CACNA2D1: variants seen among roughly 807,000 people sequenced by gnomAD.
CACNA2D1 encodes the protein voltage-dependent calcium channel subunit alpha-2/delta-1.
CACNA2D1 carries 53 observed loss-of-function variants against 171.5 expected under a neutral mutation model. That is an observed-to-expected ratio of 0.31 (90% CI 0.25 to 0.39). The LOEUF (loss-of-function observed/expected upper bound fraction) is 0.39, where lower values mean the gene tolerates loss of function less well. Among genes scored for constraint, CACNA2D1 ranks in the 10% least tolerant of loss-of-function variants. The pLI is 1.00. For synonymous variants in CACNA2D1, 442 were observed against 443.1 expected (o/e 1.00, Z 0.03); for missense variants, 903 against 1,299.8 (o/e 0.69, Z 4.69).
At chr7:82,319,403 G>A (rs903161738) in intron 3 of CACNA2D1, among the ~76,000 whole-genome samples, 1 of 152,092 alleles carries the variant, frequency 6.6e-6, no homozygotes, top group Admixed American at 6.6e-5. Context: ...ACCCATTTGA[G>A]AGGTAGAAAT....
intron 3 of CACNA2D1, among the ~76,000 whole-genome samples, chr7:82,308,721 T>C (rs1405747585): frequency 6.6e-6 from 1 of 152,106 alleles, no homozygotes; most frequent in East Asian, 1.9e-4. Context: ...ATAACAAACT[T>C]TTGTTTAAGG....
At chr7:82,148,135 A>T (rs528497685) in intron 4 of CACNA2D1, among the ~76,000 whole-genome samples, 1 of 152,306 alleles carries the variant, frequency 6.6e-6, no homozygotes, top group South Asian at 2.1e-4. Flanking sequence ...TGGCATCACT[A>T]TTCTGTGAAA....
At position 81,962,044 on chromosome 7, in the gene CACNA2D1, G is replaced by A. The variant is rs1430826590; in HGVS notation, c.2837-21C>T. The A allele has an allele frequency of 3.1e-6, 5 of 1,611,568 alleles. No individual in the cohort carries two copies. The Admixed American group carries it at 5.0e-5, about 16-fold the overall frequency. ...CTCAACTTGGGTGGCGGGGGACGGTGTAAAAACAAAGAACACCATTAGGAG... is the reference window on the plus strand; with the variant it reads ...CTCAACTTGGGTGGCGGGGGACGGTATAAAAACAAAGAACACCATTAGGAG... On this transcript the variant is annotated intron_variant, in intron 35 of 38. Transcript: ENST00000356860.
At chr7:82,088,093 GTTTTGTTT>G (rs1050556197) in intron 6 of CACNA2D1, among the ~76,000 whole-genome samples, 2 of 151,704 alleles carry the variant, frequency 1.3e-5, no homozygotes, top group East Asian at 1.9e-4. Context: ...TTTTTGTTTT[GTTTTGTTT>G]TTTTGTTTTT....
chr7:82,220,483 G>C (rs1464433990), intron 3 of CACNA2D1, among the ~76,000 whole-genome samples: 5 of 151,948 alleles, frequency 3.3e-5, no homozygotes, highest in Non-Finnish European at 5.9e-5. Flanking sequence ...AAATTACTGA[G>C]GACCCAAAAA....
At position 82,443,707 on chromosome 7, in the gene CACNA2D1, C is replaced by G; in HGVS notation, c.-248G>C. The G allele has an allele frequency of 8.1e-7, 1 of 1,236,098 alleles. No homozygotes were observed. Among genetic ancestry groups the G allele is most frequent in the Non-Finnish European group, 1.0e-6 (1 of 992,078 alleles). The allele number at this position is 1,236,098 out of a possible 1,614,324, so 76.6% of individuals were successfully genotyped here. Reference sequence around the variant, plus strand: ...GCTGCTCCGCGCCGCGGCCGCCTTGCCTCCGCCGCCATCAAGGGCGACTTT... The same window carrying G: ...GCTGCTCCGCGCCGCGGCCGCCTTGGCTCCGCCGCCATCAAGGGCGACTTT... On this transcript the variant is annotated 5_prime_UTR_variant, in exon 1 of 39. Transcript: ENST00000356860.
chr7:82,111,444 A>ATATATATATTTTTT (rs1207440298), intron 6 of CACNA2D1, among the ~76,000 whole-genome samples: 2 of 69,962 alleles, frequency 2.9e-5, no homozygotes, highest in African/African-American at 1.4e-4. Context: ...ATATATATAT[A>ATATATATATTTTTT]TTTTTTTTTT....
chr7:82,412,935 G>T (rs1827825679), intron 1 of CACNA2D1, among the ~76,000 whole-genome samples: 1 of 151,996 alleles, frequency 6.6e-6, no homozygotes, highest in Admixed American at 6.6e-5. Context: ...GACAAAAGGA[G>T]AAAGCTCTAA....
At chr7:82,347,430 TA>T (rs1342005928) in intron 2 of CACNA2D1, among the ~76,000 whole-genome samples, 4 of 152,106 alleles carry the variant, frequency 2.6e-5, no homozygotes, top group Non-Finnish European at 5.9e-5. Flanking sequence ...GTGAATCCAA[TA>T]AAAATGAATG....
intron 3 of CACNA2D1, among the ~76,000 whole-genome samples, chr7:82,270,512 G>C (rs1004606774): frequency 6.6e-6 from 1 of 152,080 alleles, no homozygotes; most frequent in African/African-American, 2.4e-5. Flanking sequence ...CATTTGGGTT[G>C]TTTCCAGTTA....
At chr7:82,389,597 G>C (rs1282992586) in intron 1 of CACNA2D1, among the ~76,000 whole-genome samples, 1 of 152,104 alleles carries the variant, frequency 6.6e-6, no homozygotes, top group Non-Finnish European at 1.5e-5. Flanking sequence ...TTTCTAATCA[G>C]GAAGCTGGCC....
At chr7:82,075,421 G>T (rs1312609596) in intron 7 of CACNA2D1, among the ~76,000 whole-genome samples, 3 of 152,092 alleles carry the variant, frequency 2.0e-5, no homozygotes, top group African/African-American at 7.2e-5. Context: ...GTCCCATAAT[G>T]CAGTCATTAA....
intron 3 of CACNA2D1, among the ~76,000 whole-genome samples, chr7:82,202,799 C>A (rs2129208464): frequency 6.6e-6 from 1 of 150,990 alleles, no homozygotes; most frequent in African/African-American, 2.5e-5. Flanking sequence ...TTGGCAGAAC[C>A]AAGGGGTCCG....
intron 3 of CACNA2D1, among the ~76,000 whole-genome samples, chr7:82,178,707 A>G (rs1347824243): frequency 6.6e-6 from 1 of 152,136 alleles, no homozygotes; most frequent in Non-Finnish European, 1.5e-5. Context: ...CACTGTTCTA[A>G]ATAGCAATAT....
In CACNA2D1 at chr7:81,962,018, T is replaced by C; in HGVS notation, c.2842A>G (p.Met948Val). Residue 948 changes from methionine to valine, a missense_variant, in exon 36 of 39, where the codon ATG becomes GTG. Physicochemically the swap from Met to Val is conservative, Grantham distance 21 (BLOSUM62 1). Coordinates refer to ENST00000356860, the MANE Select transcript of CACNA2D1 (RefSeq NM_000722.4). ...GAGGCCGTGAAGTCATCATCCTCCA[T>C]CTCAACTTGGGTGGCGGGGGACGGT... ...TFPRLLEAVE[M>V]EDDDFTASLS... 6.2e-7 allele frequency: 1 copy of C among 1,612,308 alleles called. No individual in the cohort carries two copies. The highest frequency in any genetic ancestry group is 8.5e-7 in the Non-Finnish European group (1 of 1,179,012).
chr7:81,982,450 C>A, intron 24 of CACNA2D1, 117 bp downstream of exon 24: 1 of 715,394 alleles, frequency 1.4e-6, no homozygotes, highest in South Asian at 1.5e-5. Flanking sequence ...GTAATTATTT[C>A]CTTTGATTCC....
At chr7:82,148,447 T>A (rs1230156125) in intron 4 of CACNA2D1, among the ~76,000 whole-genome samples, 1 of 152,188 alleles carries the variant, frequency 6.6e-6, no homozygotes, top group Non-Finnish European at 1.5e-5. Context: ...GTATATGGAC[T>A]GGCTCCAGTT....
chr7:82,419,181 A>G (rs1021461319), intron 1 of CACNA2D1, among the ~76,000 whole-genome samples: 2 of 152,118 alleles, frequency 1.3e-5, no homozygotes, highest in African/African-American at 4.8e-5. Flanking sequence ...CCTGTCCCCA[A>G]AGTAATTTTA....
At chr7:81,957,528 C>T (rs1793552351) in intron 38 of CACNA2D1, among the ~76,000 whole-genome samples, 2 of 151,994 alleles carry the variant, frequency 1.3e-5, no homozygotes, top group South Asian at 2.1e-4. Flanking sequence ...AGGCACGACT[C>T]GTTGTGCACT....
Sources: gnomAD v4.1 joint callset for allele counts (sites outside exome capture counted in the v4.1 genomes callset) on GRCh38, gnomAD v4.1.1 for gene constraint, MANE v1.5 for transcripts, NCBI Gene and HGNC (gene_info 2026-07-23, HGNC 2026-07-21) for gene names.